The following TRAF3 variants were observed in gnomAD, a reference collection of about 807,000 sequenced individuals.
The protein encoded by TRAF3 is TNF receptor-associated factor 3.
TRAF3 carries 13 observed loss-of-function variants against 62.3 expected under a neutral mutation model. The observed-to-expected ratio is 0.21, with a 90% CI of 0.14 to 0.33. The LOEUF (loss-of-function observed/expected upper bound fraction) is 0.33. Ranked by LOEUF, TRAF3 falls within the 10% of genes least tolerant of loss-of-function variation. The probability of loss-of-function intolerance (pLI) is 1.00; values close to 1 mark genes in which losing one functional copy is unlikely to be tolerated. For synonymous variants in TRAF3, 269 were observed against 283.4 expected, an observed-to-expected ratio of 0.95 and a Z score of 0.51; for missense variants, 440 against 741.8, an observed-to-expected ratio of 0.59 and a Z score of 4.73.
intron 1 of TRAF3, among the ~76,000 whole-genome samples, chr14:102,782,363 A>G (rs1400251868): frequency 6.6e-6 from 1 of 151,948 alleles, no homozygotes; most frequent in Non-Finnish European, 1.5e-5. Flanking sequence ...CCTCCTAAGT[A>G]GCTGGGACTA....
intron 1 of TRAF3, among the ~76,000 whole-genome samples, chr14:102,817,732 T>G (rs1415531835): frequency 1.3e-5 from 2 of 152,258 alleles, no homozygotes; most frequent in African/African-American, 4.8e-5. Flanking sequence ...ATTGAGTTGC[T>G]TCAAAGTGCT....
intron 1 of TRAF3, among the ~76,000 whole-genome samples, chr14:102,821,894 T>C (rs975252014): frequency 4.6e-5 from 7 of 152,080 alleles, no homozygotes; most frequent in African/African-American, 1.7e-4. Flanking sequence ...ATATAAAAAT[T>C]AGCCGGGTGT....
intron 4 of TRAF3, among the ~76,000 whole-genome samples, chr14:102,872,488 G>C (rs950405224): frequency 6.6e-6 from 1 of 152,032 alleles, no homozygotes; most frequent in Non-Finnish European, 1.5e-5. Flanking sequence ...GCCCCTTCTC[G>C]CCCCCTGTGG....
At chr14:102,786,583 A>T (rs893098892) in intron 1 of TRAF3, among the ~76,000 whole-genome samples, 3 of 151,978 alleles carry the variant, frequency 2.0e-5, no homozygotes, top group African/African-American at 7.3e-5. Flanking sequence ...GCTACTTGGG[A>T]TGTTGAAGCA....
intron 1 of TRAF3, among the ~76,000 whole-genome samples, chr14:102,801,357 A>G (rs1302823704): frequency 6.6e-6 from 1 of 152,086 alleles, no homozygotes; most frequent in Non-Finnish European, 1.5e-5. Context: ...TGCGTACAAT[A>G]TTTCCTTTCT....
At chr14:102,778,078 T>C (rs1897104784) in intron 1 of TRAF3, among the ~76,000 whole-genome samples, 1 of 149,900 alleles carries the variant, frequency 6.7e-6, no homozygotes, top group African/African-American at 2.4e-5. Context: ...GCTCAGGGGC[T>C]GCGTGGCCGA....
rs1419733670 is a variant in TRAF3, at chr14:102,858,666, CATA to C, written c.-17-11513_-17-11511del. ...ATTACTTTTGTGGCATACGATTTTA[CATA>C]ATAATTGTAATTATTAGTAACATAT... is the stretch of plus-strand genomic sequence containing the variant. On this transcript the variant is annotated intron_variant, in intron 2 of 11. Transcript: ENST00000392745. 3.9e-5 allele frequency among the ~76,000 whole-genome samples: 6 copies of C among 152,296 alleles called. No individual in the cohort carries two copies. In the South Asian group the frequency reaches 1.0e-3, roughly 26 times the overall value.
intron 1 of TRAF3, among the ~76,000 whole-genome samples, chr14:102,828,448 G>T (rs1407584360): frequency 4.6e-5 from 7 of 152,192 alleles, no homozygotes; most frequent in Admixed American, 4.6e-4. Flanking sequence ...TTCTGTGAAT[G>T]CTGTGGCTGG....
At chr14:102,823,355 G>T (rs1293395084) in intron 1 of TRAF3, among the ~76,000 whole-genome samples, 1 of 152,170 alleles carries the variant, frequency 6.6e-6, no homozygotes, top group Admixed American at 6.5e-5. Context: ...TCAAGTAAAT[G>T]AATACTTTCT....
At position 102,903,331 on chromosome 14, in the gene TRAF3, A is replaced by AAGC; in HGVS notation, c.1040_1042dup (p.Ala347dup). ...CGGCCCTTCCGGCAGAACTGGGAGGAAGCAGACAGCATGAAGAGCAGCGTG... is the reference window on the plus strand; with the variant it reads ...CGGCCCTTCCGGCAGAACTGGGAGGAAGCAGCAGACAGCATGAAGAGCAGCGTG... On this transcript the variant is annotated inframe_insertion, in exon 11 of 12. Transcript: ENST00000392745. The surrounding 1 kb of genome is among the most constrained non-coding windows in gnomAD (Gnocchi z 6.4). 6.2e-7 allele frequency: 1 copy of AAGC among 1,614,136 alleles called. No individual in the cohort carries two copies. The highest frequency in any genetic ancestry group is 8.5e-7 in the Non-Finnish European group (1 of 1,180,034).
At chr14:102,868,477 A>T (rs1888138386) in intron 2 of TRAF3, among the ~76,000 whole-genome samples, 1 of 152,108 alleles carries the variant, frequency 6.6e-6, no homozygotes. Flanking sequence ...AGCCTTAGAG[A>T]CAGGAAGGGC....
Position 102,792,113 on chromosome 14 carries a change from C to CTTTTTTTTTTTTTTTTTTTTTTTTTTTT in TRAF3, c.-157+14465_-157+14466insTTTTTTTTTTTTTTTTTTTTTTTTTTTT, listed in dbSNP as rs35895214. On this transcript the variant is annotated intron_variant, in intron 1 of 11. Transcript: ENST00000392745. ...ACAGGTGCGAGCCACTGTGCCTGGA[C>CTTTTTTTTTTTTTTTTTTTTTTTTTTTT]TTTTTTTTTTTTTTTTTTTTTTTTT... Among the ~76,000 whole-genome samples, 6 of 97,702 alleles carry CTTTTTTTTTTTTTTTTTTTTTTTTTTTT rather than the reference C, an allele frequency of 6.1e-5. 3 individuals are homozygous for CTTTTTTTTTTTTTTTTTTTTTTTTTTTT. The highest frequency in any genetic ancestry group is 4.0e-5 in the Non-Finnish European group (2 of 49,694). 64.1% of individuals were successfully genotyped at this position (97,702 alleles called of 152,430 possible). A position where few individuals can be genotyped will look rare whatever the true frequency, so the allele number is the denominator to read the frequency against.
intron 1 of TRAF3, among the ~76,000 whole-genome samples, chr14:102,820,304 G>C (rs1475254498): frequency 6.6e-6 from 1 of 151,888 alleles, no homozygotes; most frequent in African/African-American, 2.4e-5. Context: ...GGAGGAAAGG[G>C]CCGACTCCAG....
At chr14:102,797,182 A>G (rs1291263579) in intron 1 of TRAF3, among the ~76,000 whole-genome samples, 1 of 152,220 alleles carries the variant, frequency 6.6e-6, no homozygotes, top group Non-Finnish European at 1.5e-5. Context: ...TTGTGTTAAG[A>G]TGAATCAATA....
At chr14:102,894,115 T>G (rs1423636700) in intron 9 of TRAF3, among the ~76,000 whole-genome samples, 1 of 152,062 alleles carries the variant, frequency 6.6e-6, no homozygotes, top group Non-Finnish European at 1.5e-5. Context: ...TTGCCTGAGC[T>G]CGGGAGTTCG....
At chr14:102,778,616 T>G (rs900735062) in intron 1 of TRAF3, among the ~76,000 whole-genome samples, 1 of 150,376 alleles carries the variant, frequency 6.6e-6, no homozygotes, top group Non-Finnish European at 1.5e-5. Flanking sequence ...TGTATGGATA[T>G]AATTCATTCA....
At chr14:102,837,182 A>T (rs1434676547) in intron 2 of TRAF3, among the ~76,000 whole-genome samples, 2 of 150,198 alleles carry the variant, frequency 1.3e-5, no homozygotes, top group Non-Finnish European at 3.0e-5. Context: ...TCTGTTGCCC[A>T]GGCTGGACTG....
intron 2 of TRAF3, among the ~76,000 whole-genome samples, chr14:102,855,668 A>G (rs1887320386): frequency 1.3e-5 from 2 of 151,898 alleles, no homozygotes; most frequent in African/African-American, 4.8e-5. Context: ...TGGTGGCACC[A>G]GCCTGTAGTC....
chr14:102,873,190 C>T (rs1437783491), intron 4 of TRAF3, among the ~76,000 whole-genome samples: 1 of 152,172 alleles, frequency 6.6e-6, no homozygotes, highest in Admixed American at 6.5e-5. Context: ...TTGAGGATTG[C>T]TGGTAGTCAG....
Sources: gnomAD v4.1 joint callset for allele counts (sites outside exome capture counted in the v4.1 genomes callset) on GRCh38, gnomAD v4.1.1 for gene constraint, Gnocchi (gnomAD v3.1) non-coding constraint, MANE v1.5 for transcripts, NCBI Gene and HGNC (gene_info 2026-07-23, HGNC 2026-07-21) for gene names.